Variants in SNX16 observed in about 807,000 individuals in gnomAD.
The protein encoded by SNX16 is sorting nexin-16.
In SNX16, 35 loss-of-function variants were observed where a neutral mutation model predicts 36.7. The ratio of observed to expected loss-of-function variants is 0.95; its 90% CI spans 0.73 to 1.27. The LOEUF (loss-of-function observed/expected upper bound fraction) is 1.27, where lower values mean the gene tolerates loss of function less well. Ranked by LOEUF, SNX16 falls within the 50% of genes most tolerant of loss-of-function variation. The probability of loss-of-function intolerance (pLI) is 0.00; values close to 1 mark genes in which losing one functional copy is unlikely to be tolerated. For synonymous variants in SNX16, 134 were observed against 132.0 expected (o/e 1.02, Z -0.10); for missense variants, 367 against 393.6 (o/e 0.93, Z 0.57).
At chr8:81,835,319 G>A (rs1206098797) in intron 2 of SNX16, among the ~76,000 whole-genome samples, 1 of 152,208 alleles carries the variant, frequency 6.6e-6, no homozygotes, top group Non-Finnish European at 1.5e-5. Context: ...GATGGGAGGG[G>A]CTGCCATGAA....
intron 4 of SNX16, 58 bp downstream of exon 4, chr8:81,823,734 T>C (rs1262589894): frequency 7.0e-6 from 10 of 1,435,288 alleles, no homozygotes; most frequent in Non-Finnish European, 8.5e-6. Flanking sequence ...ATTTATTCTT[T>C]AATTTACGCC....
At chr8:81,814,100 T>C (rs1810377604) in intron 5 of SNX16, among the ~76,000 whole-genome samples, 1 of 152,182 alleles carries the variant, frequency 6.6e-6, no homozygotes, top group East Asian at 1.9e-4. Context: ...AAGCCATATG[T>C]TCACACAAAA....
intron 2 of SNX16, among the ~76,000 whole-genome samples, chr8:81,838,568 C>A: frequency 7.0e-6 from 1 of 143,840 alleles, no homozygotes. Flanking sequence ...TAATTGGTCC[C>A]ATCTGGAAAA....
At chr8:81,834,692 T>G (rs1313650025) in intron 2 of SNX16, among the ~76,000 whole-genome samples, 1 of 152,156 alleles carries the variant, frequency 6.6e-6, no homozygotes, top group Non-Finnish European at 1.5e-5. Flanking sequence ...TCCAAAATAC[T>G]TTCCTTTGAC....
intron 5 of SNX16, among the ~76,000 whole-genome samples, chr8:81,812,893 G>C (rs1186082409): frequency 2.0e-5 from 3 of 151,990 alleles, no homozygotes; most frequent in Middle Eastern, 3.2e-3. Context: ...AGGAAACGGA[G>C]AGATATTGGA....
chr8:81,825,285 A>C (rs1810959599), intron 3 of SNX16, among the ~76,000 whole-genome samples: 1 of 152,212 alleles, frequency 6.6e-6, no homozygotes, highest in African/African-American at 2.4e-5. Context: ...AAACTGACAC[A>C]CATTGTCAAA....
intron 4 of SNX16, among the ~76,000 whole-genome samples, chr8:81,819,710 TA>T (rs1057244426): frequency 1.3e-5 from 2 of 151,926 alleles, no homozygotes; most frequent in African/African-American, 4.8e-5. Context: ...ATTGAACAGA[TA>T]AAATCTCTAA....
intron 1 of SNX16, 92 bp downstream of exon 1, chr8:81,842,030 T>C (rs4237096): frequency 0.99 from 151,307 of 152,098 alleles, 75,263 homozygotes; most frequent in East Asian, 1. Context: ...CGGAGCCCCT[T>C]GCCGCCCGCC....
At chr8:81,829,768 C>T (rs1454427460) in intron 2 of SNX16, among the ~76,000 whole-genome samples, 1 of 152,066 alleles carries the variant, frequency 6.6e-6, no homozygotes, top group Non-Finnish European at 1.5e-5. Context: ...TAACAATAAA[C>T]TCATCAGCTT....
At chr8:81,838,945 A>G (rs1405644940) in intron 2 of SNX16, among the ~76,000 whole-genome samples, 1 of 152,152 alleles carries the variant, frequency 6.6e-6, no homozygotes, top group Non-Finnish European at 1.5e-5. Flanking sequence ...AACAAAAATC[A>G]TGCACAGATA....
intron 5 of SNX16, chr8:81,808,651 A>G: frequency 1.0e-6 from 1 of 954,836 alleles, no homozygotes; most frequent in South Asian, 1.3e-5. Flanking sequence ...GGTGGAGGCC[A>G]ATACTTTGCC....
At chr8:81,820,872 T>G (rs1338599960) in intron 4 of SNX16, among the ~76,000 whole-genome samples, 1 of 151,688 alleles carries the variant, frequency 6.6e-6, no homozygotes, top group African/African-American at 2.4e-5. Context: ...ACAGGGCAAA[T>G]GCATAAGATT....
intron 5 of SNX16, chr8:81,808,506 G>A (rs1252433649): frequency 3.1e-6 from 3 of 970,824 alleles, no homozygotes; most frequent in African/African-American, 3.2e-5. Flanking sequence ...TGGCTATAAG[G>A]GATTTGGTAA....
At chr8:81,840,777 G>A (rs1811715202) in intron 1 of SNX16, among the ~76,000 whole-genome samples, 1 of 152,204 alleles carries the variant, frequency 6.6e-6, no homozygotes, top group African/African-American at 2.4e-5. Flanking sequence ...ACGATAAACT[G>A]AGGGTATTTA....
chr8:81,827,357 G>T (rs991153367), intron 3 of SNX16, among the ~76,000 whole-genome samples: 4 of 152,042 alleles, frequency 2.6e-5, no homozygotes, highest in Non-Finnish European at 4.4e-5. Flanking sequence ...CAATGAAACT[G>T]TTTGAAATTA....
chr8:81,816,184 T>TC (rs901444568), intron 4 of SNX16, among the ~76,000 whole-genome samples: 4 of 150,620 alleles, frequency 2.7e-5, no homozygotes, highest in African/African-American at 9.7e-5. Context: ...GGATTTTCTT[T>TC]TTTTTTTTTT....
intron 5 of SNX16, chr8:81,808,459 A>G: frequency 2.9e-6 from 3 of 1,049,016 alleles, no homozygotes; most frequent in Non-Finnish European, 2.9e-6. Flanking sequence ...GGCTTTGCTG[A>G]CAGCTGTGGT....
Position 81,829,416 on chromosome 8 carries a change from AT to A in SNX16, c.462+13del. On this transcript the variant is annotated intron_variant, in intron 3 of 7. Transcript: ENST00000345957. The stretch of plus-strand genomic sequence containing the variant: ...AAAACTGAAATGTTAGTTTGGATTT[AT>A]TATAGTACTTACTTTGTCATTAAGC... 1 of 1,205,308 alleles carries A rather than the reference AT, an allele frequency of 8.3e-7. No homozygotes were observed. 74.7% of individuals were successfully genotyped at this position (1,205,308 alleles called of 1,614,324 possible).
At chr8:81,807,106 T>C (rs1809988515) in intron 5 of SNX16, among the ~76,000 whole-genome samples, 3 of 152,148 alleles carry the variant, frequency 2.0e-5, no homozygotes, top group Admixed American at 6.5e-5. Flanking sequence ...AAAATTCATA[T>C]GGAAAAGTGA....
Sources: allele counts gnomAD v4.1 joint callset (sites outside exome capture counted in the v4.1 genomes callset), GRCh38; gene constraint gnomAD v4.1.1; transcripts MANE v1.5; gene names NCBI Gene and HGNC (gene_info 2026-07-23, HGNC 2026-07-21).